Variants in SSU72L3 observed in about 807,000 individuals in gnomAD.
The protein encoded by SSU72L3 is RNA polymerase II subunit A C-terminal domain phosphatase SSU72 like protein 3.
At chr11:4,330,851 C>A in the SSU72L3 span, among the ~76,000 whole-genome samples, 3 of 152,036 alleles carry the variant, frequency 2.0e-5, no homozygotes, top group Non-Finnish European at 4.4e-5. Flanking sequence ...TTTAAATAAA[C>A]TTCCTTTTCT....
the SSU72L3 span, chr11:4,330,282 G>A: frequency 1.3e-6 from 1 of 758,878 alleles, no homozygotes; most frequent in East Asian, 2.4e-5. Context: ...GATCAACATG[G>A]ACATCCAAGA....
the SSU72L3 span, among the ~76,000 whole-genome samples, chr11:4,330,672 G>T: frequency 5.3e-5 from 8 of 152,134 alleles, no homozygotes; most frequent in African/African-American, 1.9e-4. Context: ...CATTGTGCTA[G>T]GTGCATTACA....
chr11:4,329,868 C>G, the SSU72L3 span: 1 of 714,466 alleles, frequency 1.4e-6, no homozygotes, highest in Non-Finnish European at 2.6e-6. Context: ...CACCATCATG[C>G]TCTCCTCCCC....
the SSU72L3 span, chr11:4,330,025 T>A: frequency 1.3e-6 from 1 of 775,644 alleles, no homozygotes; most frequent in Non-Finnish European, 2.4e-6. Flanking sequence ...CGTCCTGTAG[T>A]TTATGATTTT....
At chr11:4,330,720 G>A in the SSU72L3 span, among the ~76,000 whole-genome samples, 23 of 152,252 alleles carry the variant, frequency 1.5e-4, no homozygotes, top group Admixed American at 3.9e-4. Context: ...ATTCTACAAG[G>A]AAGCTAGCCC....
the SSU72L3 span, chr11:4,330,161 G>A: frequency 4.0e-6 from 3 of 746,908 alleles, no homozygotes; most frequent in Non-Finnish European, 4.9e-6. Context: ...AAAGATTTCA[G>A]GAGTGCACTG....
the SSU72L3 span, chr11:4,329,988 G>T: frequency 2.6e-6 from 2 of 764,310 alleles, no homozygotes; most frequent in East Asian, 2.4e-5. Context: ...TGAATCTCAT[G>T]TGAGGCTACC....
the SSU72L3 span, chr11:4,330,078 G>A: frequency 3.9e-6 from 3 of 773,216 alleles, no homozygotes; most frequent in East Asian, 4.9e-5. Flanking sequence ...CCTCAGGAAA[G>A]ATAGAGAACG....
At chr11:4,330,797 T>G in the SSU72L3 span, among the ~76,000 whole-genome samples, 1 of 152,156 alleles carries the variant, frequency 6.6e-6, no homozygotes, top group Non-Finnish European at 1.5e-5. Flanking sequence ...ATGATTTGTT[T>G]AAGGGTATTC....
the SSU72L3 span, chr11:4,329,803 G>A: frequency 3.3e-5 from 20 of 605,392 alleles, no homozygotes; most frequent in Admixed American, 2.1e-4. Context: ...TCGTCTCCTC[G>A]GCTCCGAGTC....
the SSU72L3 span, chr11:4,330,322 T>C: frequency 7.9e-6 from 6 of 760,872 alleles, no homozygotes; most frequent in Non-Finnish European, 1.4e-5. Context: ...CTGGGAGCTT[T>C]CCTCATCTGT....
At chr11:4,330,802 G>A in the SSU72L3 span, among the ~76,000 whole-genome samples, 1 of 152,112 alleles carries the variant, frequency 6.6e-6, no homozygotes, top group Non-Finnish European at 1.5e-5. Flanking sequence ...TTGTTTAAGG[G>A]TATTCAGCAG....
chr11:4,329,823 A>G, the SSU72L3 span: 3,855 of 612,220 alleles, frequency 6.3e-3, 44 homozygotes, highest in Middle Eastern at 0.027. Flanking sequence ...CCCTGCAGCA[A>G]CTGAGGTGCC....
the SSU72L3 span, among the ~76,000 whole-genome samples, chr11:4,330,844 A>T: frequency 6.6e-6 from 1 of 152,112 alleles, no homozygotes; most frequent in African/African-American, 2.4e-5. Context: ...AGCACCTTTT[A>T]AATAAACTTC....
the SSU72L3 span, chr11:4,330,433 C>T: frequency 5.1e-5 from 34 of 661,228 alleles, no homozygotes; most frequent in South Asian, 3.7e-4. Context: ...TTTCTTCACA[C>T]CGTCTGCTTC....
At chr11:4,330,141 C>G in the SSU72L3 span, 1 of 751,128 alleles carries the variant, frequency 1.3e-6, no homozygotes, top group Non-Finnish European at 2.5e-6. Flanking sequence ...GAGAATCAAG[C>G]CCGGTCCAGA....
the SSU72L3 span, chr11:4,330,097 G>A: frequency 8.0e-5 from 61 of 764,834 alleles, 1 homozygote; most frequent in Middle Eastern, 2.3e-4. Context: ...CGCTACACCC[G>A]CAACGGAATC....
chr11:4,330,379 T>G, the SSU72L3 span: 1 of 759,514 alleles, frequency 1.3e-6, no homozygotes, highest in Admixed American at 1.7e-5. Context: ...GAAGACAATC[T>G]GGAGGAGCTG....
At chr11:4,330,040 C>G in the SSU72L3 span, 3 of 776,376 alleles carry the variant, frequency 3.9e-6, no homozygotes, top group Non-Finnish European at 7.2e-6. Flanking sequence ...GATTTTGCAA[C>G]AACATATAAG....
Sources: allele counts gnomAD v4.1 joint callset (sites outside exome capture counted in the v4.1 genomes callset), GRCh38; gene constraint gnomAD v4.1.1; transcripts MANE v1.5; gene names NCBI Gene and HGNC (gene_info 2026-07-23, HGNC 2026-07-21).